TRPA1: variants seen among roughly 807,000 people sequenced by gnomAD.
TRPA1 encodes transient receptor potential cation channel subfamily A member 1.
In TRPA1, 129 loss-of-function variants were observed where a neutral mutation model predicts 131.3. That is an observed-to-expected ratio of 0.98 (90% CI 0.85 to 1.14). The LOEUF (loss-of-function observed/expected upper bound fraction) is 1.14, where lower values mean the gene tolerates loss of function less well. Ranked by LOEUF, TRPA1 falls within the 50% of genes most tolerant of loss-of-function variation. The probability of loss-of-function intolerance (pLI) is 0.00; values close to 1 mark genes in which losing one functional copy is unlikely to be tolerated. For synonymous variants in TRPA1, 441 were observed against 451.7 expected (o/e 0.98, Z 0.30); for missense variants, 1,304 against 1,354.2 (o/e 0.96, Z 0.58).
intron 23 of TRPA1, among the ~76,000 whole-genome samples, chr8:72,030,823 G>A (rs1811787086): frequency 6.6e-6 from 1 of 152,214 alleles, no homozygotes; most frequent in African/African-American, 2.4e-5. Flanking sequence ...AGGCTCTGGT[G>A]AGAAACCAGA....
chr8:72,038,369 TATAAC>T (rs1006043040), intron 19 of TRPA1, among the ~76,000 whole-genome samples: 6 of 152,044 alleles, frequency 3.9e-5, no homozygotes, highest in African/African-American at 1.4e-4. Context: ...GCAAAATACA[TATAAC>T]AAAACTTACC....
chr8:72,071,561 G>T, intron 2 of TRPA1, 150 bp downstream of exon 2: 1 of 797,428 alleles, frequency 1.3e-6, no homozygotes, highest in Non-Finnish European at 2.0e-6. Context: ...GAGGAGTGCT[G>T]GTGTGTAGGA....
At chr8:72,063,027 G>C in intron 5 of TRPA1, 83 bp from the exon 6 acceptor site, 1 of 1,343,508 alleles carries the variant, frequency 7.4e-7, no homozygotes, top group Non-Finnish European at 1.0e-6. Context: ...ATGAACAAAG[G>C]TAAAAAAACA....
chr8:72,069,219 A>G (rs1246666566), intron 2 of TRPA1, 21 bp from the exon 3 acceptor site: 1 of 1,613,864 alleles, frequency 6.2e-7, no homozygotes, highest in Non-Finnish European at 8.5e-7. Context: ...AAACCAGAAT[A>G]TGGATTAAAT....
rs33967604 is a variant in TRPA1 at position 72,055,862 on chromosome 8, GA to G, written c.1195-8del. On this transcript the variant is annotated splice_polypyrimidine_tract_variant and splice_region_variant and intron_variant, in intron 10 of 26. Coordinates refer to ENST00000262209, the MANE Select transcript of TRPA1 (RefSeq NM_007332.3). ...GCTCTTTGATCTGTTGCATCTATAG[GA>G]AAAAATTAATATCATACAAATAACT... The G allele has an allele frequency of 0.13, 203,626 of 1,612,586 alleles. 15,075 individuals are homozygous for G. Among genetic ancestry groups the G allele is most frequent in the East Asian group, 0.31 (13,824 of 44,844 alleles).
In TRPA1 at chr8:72,048,763, T is replaced by C. The variant is rs1282280342; in HGVS notation, c.1906-1556A>G. ...CAATATAAAAGTAATTAAGTCATTATAGAAAATTACCTAGAAAATATAGTA... is the reference window on the plus strand; with the variant it reads ...CAATATAAAAGTAATTAAGTCATTACAGAAAATTACCTAGAAAATATAGTA... On this transcript the variant is annotated intron_variant, in intron 15 of 26. Transcript: ENST00000262209. 3.3e-5 allele frequency among the ~76,000 whole-genome samples: 5 copies of C among 152,178 alleles called. No homozygotes were observed. The East Asian group carries it at 9.6e-4, about 29-fold the overall frequency.
upstream of TRPA1, among the ~76,000 whole-genome samples, chr8:72,079,892 T>G (rs34596396): frequency 0.038 from 5,841 of 152,032 alleles, 376 homozygotes; most frequent in African/African-American, 0.13. Flanking sequence ...TTAAATGTAT[T>G]CCTAAGGATT....
At chr8:72,047,276 T>C in intron 15 of TRPA1, 69 bp from the exon 16 acceptor site, 1 of 1,163,394 alleles carries the variant, frequency 8.6e-7, no homozygotes. Context: ...TTTTATCCTA[T>C]TTCTGAAATA....
Position 72,034,259 on chromosome 8 carries a change from G to T in TRPA1, c.2674C>A (p.Leu892Met). ...TGTAACTGTCTTACCTGTAAATTCA[G>T]GAGGATGTAAAAGCTGAGTCCAAAA... ...LAFGLSFYIL[L>M]NLQDPFSSPL... Residue 892 changes from leucine (L) to methionine (M), a missense_variant, in exon 22 of 27, where the codon CTG (leucine) becomes ATG (methionine). Leu to Met is a conservative substitution (Grantham distance 15). Coordinates refer to ENST00000262209, the MANE Select transcript of TRPA1 (RefSeq NM_007332.3). 6.2e-7 allele frequency: 1 copy of T among 1,607,762 alleles called. No individual in the cohort carries two copies. The highest frequency in any genetic ancestry group is 1.1e-5 in the South Asian group (1 of 89,250).
At chr8:72,052,994 T>TGTGTGTGTGTGTGTGTGTGTGAGAGA (rs1491537785) in intron 13 of TRPA1, 17 of 330,328 alleles carry the variant, frequency 5.1e-5, no homozygotes, top group East Asian at 6.6e-5. Flanking sequence ...TGTGTGTGTG[T>TGTGTGTGTGTGTGTGTGTGTGAGAGA]GAGAGATAGA....
chr8:72,043,884 A>T (rs1812340999), intron 17 of TRPA1, among the ~76,000 whole-genome samples: 1 of 151,762 alleles, frequency 6.6e-6, no homozygotes, highest in African/African-American at 2.4e-5. Context: ...TAAAATTTTG[A>T]TTATTAGGTC....
At chr8:72,063,007 G>T in intron 5 of TRPA1, 63 bp from the exon 6 acceptor site, 2 of 1,476,026 alleles carry the variant, frequency 1.4e-6, no homozygotes, top group Non-Finnish European at 1.8e-6. Flanking sequence ...GAGGTTTTTT[G>T]TTAAAAAATA....
At chr8:72,045,440 T>C (rs538487873) in intron 17 of TRPA1, among the ~76,000 whole-genome samples, 1 of 151,650 alleles carries the variant, frequency 6.6e-6, no homozygotes, top group African/African-American at 2.4e-5. Context: ...ATATGAGAGC[T>C]GCAAGCCAAA....
At chr8:72,052,963 A>ATTTGTGTG in intron 13 of TRPA1, 198 bp from the exon 14 acceptor site, 1 of 325,090 alleles carries the variant, frequency 3.1e-6, no homozygotes, top group South Asian at 2.3e-5. Flanking sequence ...TGGGAAGTGG[A>ATTTGTGTG]TCTGTGTGTG....
intron 3 of TRPA1, among the ~76,000 whole-genome samples, chr8:72,066,694 T>C (rs867587882): frequency 3.2e-4 from 48 of 147,886 alleles, no homozygotes; most frequent in Middle Eastern, 6.9e-3. Flanking sequence ...TCGCATTCTG[T>C]TCTTAAGAAA....
rs1042450447 is a variant in TRPA1, at chr8:72,059,446, A to G, written c.945-8T>C. 1 of 1,555,060 alleles carries G rather than the reference A, an allele frequency of 6.4e-7. No homozygotes were observed. The highest frequency in any genetic ancestry group is 8.8e-7 in the Non-Finnish European group (1 of 1,133,748). On this transcript the variant is annotated splice_polypyrimidine_tract_variant and splice_region_variant and intron_variant, in intron 7 of 26. Transcript: ENST00000262209. The stretch of plus-strand genomic sequence containing the variant: ...TGATCAAACAATGAAGCTCTGAAAA[A>G]ACAGAATTATAAACATTATAATTAA...
At chr8:72,063,602 C>A (rs1253576392) in intron 4 of TRPA1, 31 bp from the exon 5 acceptor site, 3 of 1,474,568 alleles carry the variant, frequency 2.0e-6, no homozygotes, top group South Asian at 2.3e-5. Context: ...AAAAATGACA[C>A]CAGTTAAACC....
intron 3 of TRPA1, among the ~76,000 whole-genome samples, chr8:72,066,581 G>A (rs920526952): frequency 6.6e-6 from 1 of 152,166 alleles, no homozygotes; most frequent in African/African-American, 2.4e-5. Context: ...GCTCATAAAG[G>A]AAAATTAAAC....
chr8:72,025,254 C>T (rs1027891349), intron 25 of TRPA1, among the ~76,000 whole-genome samples: 1 of 151,894 alleles, frequency 6.6e-6, no homozygotes, highest in Non-Finnish European at 1.5e-5. Context: ...GGGGCGGTTT[C>T]CCCCATGCTG....
Sources: gnomAD v4.1 joint callset for allele counts (sites outside exome capture counted in the v4.1 genomes callset) on GRCh38, gnomAD v4.1.1 for gene constraint, MANE v1.5 for transcripts, NCBI Gene and HGNC (gene_info 2026-07-23, HGNC 2026-07-21) for gene names.